Variants in VSIG1 observed in about 807,000 individuals in gnomAD.
The protein encoded by VSIG1 is V-set and immunoglobulin domain containing 1, also known as V-set and immunoglobulin domain-containing protein 1.
In VSIG1, 11 loss-of-function variants were observed where a neutral mutation model predicts 20.1. That is an observed-to-expected ratio of 0.55 (90% CI 0.34 to 0.91). VSIG1 has a LOEUF of 0.91. Among genes scored for constraint, VSIG1 ranks in the 40% least tolerant of loss-of-function variants. VSIG1 has a pLI of 0.02. For missense variants in VSIG1, 283 were observed against 298.8 expected (o/e 0.95, Z 0.39); for synonymous variants, 126 against 116.7 (o/e 1.08, Z -0.52).
chrX:108,020,696 C>T, the VSIG1 span, among the ~76,000 whole-genome samples: 4 of 111,500 alleles, frequency 3.6e-5, no homozygotes, highest in African/African-American at 9.8e-5. Flanking sequence ...TCTTTTTTCC[C>T]ACTAGGTCAC....
chrX:108,077,253 A>G lies in VSIG1; in HGVS notation c.1036A>G (p.Ile346Val). Reference protein sequence around the residue: ...SEPMAVPDLDIELELEPETQS... With the variant: ...SEPMAVPDLDVELELEPETQS... ...GCCTATGGCAGTGCCTGACCTTGAC[A>G]TCGAGCTGGAGCTGGAGCCAGAAAC... The change falls in exon 7 of 7, where the codon ATC (isoleucine) becomes GTC (valine). Residue 346 changes from isoleucine to valine, a missense_variant. Transcript: ENST00000217957. 2.5e-6 allele frequency: 3 copies of G among 1,211,619 alleles called. No homozygotes were observed. The highest frequency in any genetic ancestry group is 3.4e-6 in the Non-Finnish European group (3 of 895,503).
At position 108,058,073 on chromosome X, in the gene VSIG1, G is replaced by A. The variant is rs2030943915; in HGVS notation, c.85G>A (p.Gly29Ser). ...VSVVQVTIPD[G>S]FVNVTVGSNV... ...TGTGGTGCAAGTGACCATCCCAGAC[G>A]GTTTCGTGAACGTGACTGTTGGATC... is the stretch of plus-strand genomic sequence containing the variant. The change falls in exon 2 of 7, where the codon GGT becomes AGT. Residue 29 changes from glycine to serine, a missense_variant. Transcript: ENST00000217957. 8 of 1,209,934 alleles carry A rather than the reference G, an allele frequency of 6.6e-6. No homozygotes were observed. The highest frequency in any genetic ancestry group is 3.0e-5 in the East Asian group (1 of 33,785).
At chrX:108,052,821 T>G (rs1308850843) in intron 1 of VSIG1, among the ~76,000 whole-genome samples, 2 of 111,591 alleles carry the variant, frequency 1.8e-5, no homozygotes, top group African/African-American at 3.3e-5. Context: ...AATACATACT[T>G]TGCAATTATC....
intron 3 of VSIG1, among the ~76,000 whole-genome samples, chrX:108,068,140 G>T (rs1444395775): frequency 8.9e-6 from 1 of 112,142 alleles, no homozygotes; most frequent in Admixed American, 9.4e-5. Flanking sequence ...TGCCACTCAG[G>T]TAATGCCACA....
chrX:108,061,539 A>G, intron 2 of VSIG1: 2 of 1,156,220 alleles, frequency 1.7e-6, no homozygotes, highest in Non-Finnish European at 2.3e-6. Flanking sequence ...CTCTGAGGTA[A>G]GAACACTTAT....
In VSIG1 at chrX:108,066,930, G is replaced by A. The variant is rs188411751; in HGVS notation, c.214-6G>A. On this transcript the variant is annotated splice_region_variant and splice_polypyrimidine_tract_variant and intron_variant, in intron 2 of 6. Transcript: ENST00000217957. ...CAGTTCTCACTTCTGTTATTTTTCT[G>A]TCTAGATTTACTTTTCTCAAGGTGG... 7.1e-5 allele frequency: 86 copies of A among 1,207,591 alleles called. No homozygotes were observed. The East Asian group carries it at 2.4e-3, about 34-fold the overall frequency.
At chrX:108,040,341 T>C (rs1174746593), upstream of VSIG1, among the ~76,000 whole-genome samples, 1 of 111,535 alleles carries the variant, frequency 9.0e-6, no homozygotes, top group Non-Finnish European at 1.9e-5. Context: ...ATGATACTAG[T>C]AAAAATAAAA....
At chrX:108,034,689 A>G in the VSIG1 span, among the ~76,000 whole-genome samples, 2 of 112,494 alleles carry the variant, frequency 1.8e-5, no homozygotes, top group Non-Finnish European at 3.7e-5. Flanking sequence ...ATAGTAACTT[A>G]TATAGTTTTT....
At chrX:108,040,093 T>C (rs969984126), upstream of VSIG1, among the ~76,000 whole-genome samples, 2 of 111,196 alleles carry the variant, frequency 1.8e-5, no homozygotes, top group African/African-American at 6.5e-5. Context: ...AGGAAAGTGA[T>C]AGACCAGAAG....
chrX:108,045,244 T>G lies in VSIG1; in HGVS notation c.49+65T>G, dbSNP rs2030547688. 3 of 974,097 alleles carry G rather than the reference T, an allele frequency of 3.1e-6. No individual in the cohort carries two copies. The Admixed American group carries it at 8.8e-5, about 29-fold the overall frequency. The allele number at this position is 974,097 out of a possible 1,213,427, so 80.3% of individuals were successfully genotyped here. On this transcript the variant is annotated intron_variant, in intron 1 of 6. Coordinates refer to ENST00000217957, the MANE Select transcript of VSIG1 (RefSeq NM_182607.5). Reference sequence around the variant, plus strand: ...ACAGAGTTTCCTTTTAAATAAAAATTCCACATTTTTACATAGAATTTTCAT... The same window carrying G: ...ACAGAGTTTCCTTTTAAATAAAAATGCCACATTTTTACATAGAATTTTCAT...
chrX:108,076,484 T>C (rs1033010121), intron 6 of VSIG1, among the ~76,000 whole-genome samples: 4 of 112,320 alleles, frequency 3.6e-5, no homozygotes, highest in Non-Finnish European at 7.5e-5. Flanking sequence ...TATATAATAC[T>C]AACATACTTG....
intron 2 of VSIG1, among the ~76,000 whole-genome samples, chrX:108,060,066 A>G (rs1028475006): frequency 9.0e-6 from 1 of 111,697 alleles, no homozygotes; most frequent in Non-Finnish European, 1.9e-5. Flanking sequence ...AGCTTTTTCT[A>G]TACCAGGAAA....
chrX:108,033,655 C>T, the VSIG1 span, among the ~76,000 whole-genome samples: 1 of 111,059 alleles, frequency 9.0e-6, no homozygotes, highest in African/African-American at 3.3e-5. Flanking sequence ...CCTGCCCAGA[C>T]GGGGCTCAGT....
At chrX:108,067,842 G>A (rs1429525957) in intron 3 of VSIG1, among the ~76,000 whole-genome samples, 1 of 111,915 alleles carries the variant, frequency 8.9e-6, no homozygotes, top group African/African-American at 3.3e-5. Flanking sequence ...AGGACAATGT[G>A]GGCTAAACTT....
the VSIG1 span, among the ~76,000 whole-genome samples, chrX:108,030,828 A>G: frequency 8.9e-6 from 1 of 111,869 alleles, no homozygotes; most frequent in Non-Finnish European, 1.9e-5. Context: ...AGTTCTTTCA[A>G]ATGTGATCTT....
At chrX:108,025,790 T>C in the VSIG1 span, among the ~76,000 whole-genome samples, 1 of 112,946 alleles carries the variant, frequency 8.9e-6, no homozygotes, top group Non-Finnish European at 1.9e-5. Flanking sequence ...ATCCTCTTAA[T>C]TATAGTCCTG....
chrX:108,051,924 G>T (rs778887493), intron 1 of VSIG1, among the ~76,000 whole-genome samples: 1 of 111,837 alleles, frequency 8.9e-6, no homozygotes, highest in Admixed American at 9.5e-5. Context: ...TTATATGTGA[G>T]ATCTAAAAGA....
At chrX:108,024,418 AT>A in the VSIG1 span, among the ~76,000 whole-genome samples, 56 of 108,092 alleles carry the variant, frequency 5.2e-4, no homozygotes, top group African/African-American at 1.8e-3. Context: ...TTTTTTTTCT[AT>A]TGTTTTCTGT....
the VSIG1 span, among the ~76,000 whole-genome samples, chrX:108,031,301 T>C: frequency 8.9e-6 from 1 of 111,870 alleles, no homozygotes; most frequent in African/African-American, 3.3e-5. Context: ...ATGGAATGAG[T>C]GTGTTCCTTC....
Sources: allele counts gnomAD v4.1 joint callset (sites outside exome capture counted in the v4.1 genomes callset), GRCh38; gene constraint gnomAD v4.1.1; transcripts MANE v1.5; gene names NCBI Gene and HGNC (gene_info 2026-07-23, HGNC 2026-07-21).